NEXMIF: variants seen among roughly 807,000 people sequenced by gnomAD.
NEXMIF encodes neurite extension and migration factor.
NEXMIF carries 8 observed loss-of-function variants against 62.1 expected under a neutral mutation model. That is an observed-to-expected ratio of 0.13 (90% CI 0.08 to 0.23). The LOEUF (loss-of-function observed/expected upper bound fraction) is 0.23, where lower values mean the gene tolerates loss of function less well. Among genes scored for constraint, NEXMIF ranks in the 10% least tolerant of loss-of-function variants. The pLI is 1.00. For missense variants in NEXMIF, 976 were observed against 1,113.3 expected, an observed-to-expected ratio of 0.88 and a Z score of 1.75; for synonymous variants, 404 against 416.6, an observed-to-expected ratio of 0.97 and a Z score of 0.37.
At position 74,866,195 on chromosome X, in the gene NEXMIF, C is replaced by T. The variant is rs772855711; in HGVS notation, c.-48+58688G>A. Among the ~76,000 whole-genome samples, 9 of 112,117 alleles carry T rather than the reference C, an allele frequency of 8.0e-5. No homozygotes were observed. In the Admixed American group the frequency reaches 8.5e-4, roughly 11 times the overall value. ...AGCTGCCCAAGGCCGTGGGATCCCA[C>T]TGCTTGCATCAGTGTGACCTGGATG... On this transcript the variant is annotated intron_variant, in intron 1 of 3. Transcript: ENST00000055682.
Position 74,925,409 on chromosome X carries a change from T to C in NEXMIF, c.-574A>G, listed in dbSNP as rs998826635. On this transcript the variant is annotated 5_prime_UTR_variant, in exon 1 of 4. Coordinates refer to ENST00000055682, the MANE Select transcript of NEXMIF (RefSeq NM_001008537.3). ...AATGCTACTGCTGTGGCGGCGGTGG[T>C]GGCGGCGGCGGCTGCTGCTGCTGCT... 1 of 197,306 alleles carries C rather than the reference T, an allele frequency of 5.1e-6. No individual in the cohort carries two copies. The highest frequency in any genetic ancestry group is 9.9e-6 in the Non-Finnish European group (1 of 101,467). 16.3% of individuals were successfully genotyped at this position (197,306 alleles called of 1,213,427 possible). A position where few individuals can be genotyped will look rare whatever the true frequency, so the allele number is the denominator to read the frequency against.
At chrX:74,834,187 G>C (rs935021450) in intron 1 of NEXMIF, among the ~76,000 whole-genome samples, 2 of 109,075 alleles carry the variant, frequency 1.8e-5, no homozygotes, top group Non-Finnish European at 3.8e-5. Context: ...AAAGTTCTAC[G>C]CTTAAACTTC....
intron 1 of NEXMIF, among the ~76,000 whole-genome samples, chrX:74,875,679 A>T (rs1458912876): frequency 9.0e-6 from 1 of 111,596 alleles, no homozygotes; most frequent in Non-Finnish European, 1.9e-5. Context: ...CGAGCGTGTT[A>T]TTGGTCTATT....
In NEXMIF at chrX:74,921,663, C is replaced by T. The variant is rs190099415; in HGVS notation, c.-48+3220G>A. 2.3e-3 allele frequency among the ~76,000 whole-genome samples: 251 copies of T among 110,585 alleles called. 4 individuals carry two copies. Among genetic ancestry groups the T allele is most frequent in the African/African-American group, 8.0e-3 (243 of 30,343 alleles). On this transcript the variant is annotated intron_variant, in intron 1 of 3. Transcript: ENST00000055682. The stretch of plus-strand genomic sequence containing the variant: ...CTATGACCTTGGGTTTGAAAAGGTG[C>T]TCTGGTGGAGAAACTGTCCATTAGG...
chrX:74,865,751 A>G (rs2080576652), intron 1 of NEXMIF, among the ~76,000 whole-genome samples: 2 of 111,955 alleles, frequency 1.8e-5, no homozygotes, highest in South Asian at 7.5e-4. Flanking sequence ...GCTAAAGTAC[A>G]GCTTGGGCCA....
intron 1 of NEXMIF, among the ~76,000 whole-genome samples, chrX:74,775,612 C>G (rs955000251): frequency 1.8e-5 from 2 of 111,589 alleles, no homozygotes; most frequent in South Asian, 7.6e-4. Flanking sequence ...AGATTTCCAG[C>G]CAATGGGTAT....
chrX:74,745,591 A>C lies in NEXMIF; in HGVS notation c.60T>G (p.Ile20Met). The change falls in exon 2 of 4, where the codon ATT becomes ATG. Residue 20 changes from isoleucine (I) to methionine (M), a missense_variant. Physicochemically the swap from Ile to Met is conservative, Grantham distance 10 (BLOSUM62 1). Transcript: ENST00000055682. ...VASANGENTL[I>M]NGVKENDSED... Reference sequence around the variant, plus strand: ...CCTTACCATTTTCTTTGACCCCATTAATCAGAGTGTTTTCTCCGTTGGCTG... The same window carrying C: ...CCTTACCATTTTCTTTGACCCCATTCATCAGAGTGTTTTCTCCGTTGGCTG... 8.4e-7 allele frequency: 1 copy of C among 1,196,082 alleles called. No homozygotes were observed. Among genetic ancestry groups the C allele is most frequent in the African/African-American group, 1.7e-5 (1 of 57,476 alleles).
At chrX:74,781,313 A>AGTG (rs2080245930) in intron 1 of NEXMIF, among the ~76,000 whole-genome samples, 1 of 112,698 alleles carries the variant, frequency 8.9e-6, no homozygotes, top group Non-Finnish European at 1.9e-5. Context: ...TTAGTGGCAT[A>AGTG]AATCGATGAG....
chrX:74,851,622 C>T (rs762844640), intron 1 of NEXMIF, among the ~76,000 whole-genome samples: 1 of 110,700 alleles, frequency 9.0e-6, no homozygotes, highest in Non-Finnish European at 1.9e-5. Context: ...GCCAAGGATA[C>T]TATACCCAGC....
intron 1 of NEXMIF, among the ~76,000 whole-genome samples, chrX:74,826,662 G>A (rs1380477503): frequency 9.1e-6 from 1 of 109,618 alleles, no homozygotes; most frequent in Non-Finnish European, 1.9e-5. Flanking sequence ...CTGCACTTTT[G>A]GGGTCAAATC....
At chrX:74,777,154 T>C (rs12842250) in intron 1 of NEXMIF, among the ~76,000 whole-genome samples, 1 of 111,554 alleles carries the variant, frequency 9.0e-6, no homozygotes, top group East Asian at 2.8e-4. Flanking sequence ...CCCTGTGAAG[T>C]AGGTAGGAAT....
At chrX:74,793,042 C>A (rs1436093155) in intron 1 of NEXMIF, among the ~76,000 whole-genome samples, 1 of 108,473 alleles carries the variant, frequency 9.2e-6, no homozygotes, top group Non-Finnish European at 1.9e-5. Context: ...TTATTTTGCT[C>A]GTTAGTTGAT....
chrX:74,785,073 T>G (rs2080256746), intron 1 of NEXMIF, among the ~76,000 whole-genome samples: 1 of 111,436 alleles, frequency 9.0e-6, no homozygotes. Context: ...CCTGGTATCC[T>G]CCGGTCTCTG....
At chrX:74,895,183 G>A (rs752092214) in intron 1 of NEXMIF, among the ~76,000 whole-genome samples, 1 of 111,814 alleles carries the variant, frequency 8.9e-6, no homozygotes, top group African/African-American at 3.2e-5. Context: ...TGAACAATCT[G>A]AAAAAGAAAT....
chrX:74,829,361 C>T (rs1243762353), intron 1 of NEXMIF, among the ~76,000 whole-genome samples: 1 of 112,256 alleles, frequency 8.9e-6, no homozygotes, highest in South Asian at 3.7e-4. Context: ...ATTCCATCTA[C>T]GTTGTTGCAA....
chrX:74,741,568 C>A lies in NEXMIF; in HGVS notation c.2989G>T (p.Ala997Ser). 3 of 1,211,519 alleles carry A rather than the reference C, an allele frequency of 2.5e-6. No homozygotes were observed. Among genetic ancestry groups the A allele is most frequent in the Non-Finnish European group, 3.4e-6 (3 of 895,430 alleles). ...TTACTTGAGCTGACAGAGAGTGGGG[C>A]CATTGAATCAAAGCTAAAGAGCCGA... ...DGRLFSFDSM[A>S]PLSVSSSNYC... The change falls in exon 3 of 4, where the codon GCC (alanine) becomes TCC (serine). Residue 997 changes from alanine (A) to serine (S), a missense_variant. Transcript: ENST00000055682.
chrX:74,896,698 C>T (rs1474477933), intron 1 of NEXMIF, among the ~76,000 whole-genome samples: 1 of 111,797 alleles, frequency 8.9e-6, no homozygotes, highest in East Asian at 2.8e-4. Context: ...AAATCTAGTG[C>T]AGTCTCTGCA....
In NEXMIF at chrX:74,764,154, T is replaced by A. The variant is rs745830207; in HGVS notation, c.-47-18457A>T. Among the ~76,000 whole-genome samples the A allele has an allele frequency of 3.4e-3, 378 of 111,935 alleles. 2 individuals carry two copies. The highest frequency in any genetic ancestry group is 0.012 in the African/African-American group (360 of 30,834). ...TGAGATATGTCCCATCAATACCTAA[T>A]TTATTGAGAGTTTTTAGCATGAAAG... is the stretch of plus-strand genomic sequence containing the variant. On this transcript the variant is annotated intron_variant, in intron 1 of 3. Transcript: ENST00000055682.
chrX:74,861,546 C>T (rs981543881), intron 1 of NEXMIF, among the ~76,000 whole-genome samples: 2 of 111,308 alleles, frequency 1.8e-5, no homozygotes, highest in Non-Finnish European at 3.8e-5. Context: ...ACATAATCAT[C>T]AGATTGTCCA....
Sources: allele counts gnomAD v4.1 joint callset (sites outside exome capture counted in the v4.1 genomes callset), GRCh38; gene constraint gnomAD v4.1.1; transcripts MANE v1.5; gene names NCBI Gene and HGNC (gene_info 2026-07-23, HGNC 2026-07-21).